Variants in HS6ST3 observed in about 807,000 individuals in gnomAD.
The protein encoded by HS6ST3 is heparan sulfate 6-O-sulfotransferase 3, also known as heparan-sulfate 6-O-sulfotransferase 3.
In HS6ST3, 12 loss-of-function variants were observed where a neutral mutation model predicts 36.7. The ratio of observed to expected loss-of-function variants is 0.33; its 90% confidence interval spans 0.21 to 0.53. The LOEUF (loss-of-function observed/expected upper bound fraction) is 0.53, where lower values mean the gene tolerates loss of function less well. Among genes scored for constraint, HS6ST3 ranks in the 20% least tolerant of loss-of-function variants. HS6ST3 has a pLI of 0.95. For synonymous variants in HS6ST3, 240 were observed against 257.5 expected (o/e 0.93, Z 0.65); for missense variants, 584 against 640.9 (o/e 0.91, Z 0.96).
intron 1 of HS6ST3, among the ~76,000 whole-genome samples, chr13:96,735,044 C>G (rs1243445790): frequency 6.6e-6 from 1 of 152,130 alleles, no homozygotes; most frequent in Non-Finnish European, 1.5e-5. Context: ...GACATTTATA[C>G]TCATTCAAAT....
At chr13:96,391,299 C>T (rs1014442515) in intron 1 of HS6ST3, among the ~76,000 whole-genome samples, 1 of 151,970 alleles carries the variant, frequency 6.6e-6, no homozygotes, top group Admixed American at 6.6e-5. Context: ...TTGTGGAACC[C>T]AAATATAGTT....
chr13:96,768,452 G>T (rs560507510), intron 1 of HS6ST3, among the ~76,000 whole-genome samples: 41 of 152,268 alleles, frequency 2.7e-4, no homozygotes, highest in African/African-American at 9.4e-4. Context: ...CTCTGACTCT[G>T]TCACTTTTGT....
intron 1 of HS6ST3, among the ~76,000 whole-genome samples, chr13:96,616,143 A>T (rs2056473561): frequency 1.3e-5 from 2 of 152,206 alleles, no homozygotes; most frequent in Admixed American, 6.5e-5. Flanking sequence ...ATGGTATCAT[A>T]TGTTAATATT....
intron 1 of HS6ST3, among the ~76,000 whole-genome samples, chr13:96,722,263 TA>T (rs965297446): frequency 9.5e-5 from 14 of 147,712 alleles, no homozygotes; most frequent in East Asian, 3.9e-4. Context: ...AGATTCCGTC[TA>T]AAAAAAAAAG....
chr13:96,720,009 T>G (rs1302383973), intron 1 of HS6ST3, among the ~76,000 whole-genome samples: 1 of 152,110 alleles, frequency 6.6e-6, no homozygotes, highest in Non-Finnish European at 1.5e-5. Flanking sequence ...AATTGCAGGG[T>G]GCATATATCA....
In HS6ST3 at chr13:96,317,387, T is replaced by A. The variant is rs1220338454; in HGVS notation, c.707+225818T>A. 1.2e-3 allele frequency among the ~76,000 whole-genome samples: 149 copies of A among 123,324 alleles called. 2 individuals carry two copies. Among genetic ancestry groups the A allele is most frequent in the African/African-American group, 2.7e-3 (84 of 31,586 alleles). The allele number at this position is 123,324 out of a possible 152,430, so 80.9% of individuals were successfully genotyped here. A position where few individuals can be genotyped will look rare whatever the true frequency, so the allele number is the denominator to read the frequency against. ...ATATATAAAATTATATATATATATA[T>A]ATATATATCATGGAATATATATATA... is the stretch of plus-strand genomic sequence containing the variant. On this transcript the variant is annotated intron_variant, in intron 1 of 1. Transcript: ENST00000376705.
intron 1 of HS6ST3, among the ~76,000 whole-genome samples, chr13:96,093,255 C>T (rs542578308): frequency 1.8e-4 from 27 of 152,188 alleles, no homozygotes; most frequent in African/African-American, 5.3e-4. Flanking sequence ...TCATAAAAGT[C>T]TTAGTAAATA....
At chr13:96,271,072 A>G (rs2054717360) in intron 1 of HS6ST3, among the ~76,000 whole-genome samples, 1 of 151,834 alleles carries the variant, frequency 6.6e-6, no homozygotes, top group Admixed American at 6.6e-5. Flanking sequence ...AGTTTGGTAA[A>G]TGTTTAACAG....
intron 1 of HS6ST3, among the ~76,000 whole-genome samples, chr13:96,642,993 A>G (rs2056575523): frequency 1.3e-5 from 2 of 151,950 alleles, no homozygotes; most frequent in Admixed American, 6.6e-5. Flanking sequence ...GTTGAAAACC[A>G]CACATTTTAG....
chr13:96,244,033 T>C (rs2054573543), intron 1 of HS6ST3, among the ~76,000 whole-genome samples: 1 of 151,796 alleles, frequency 6.6e-6, no homozygotes, highest in Non-Finnish European at 1.5e-5. Flanking sequence ...TCTTAATTTG[T>C]TCAAATTAAA....
Position 96,707,074 on chromosome 13 carries a change from G to A in HS6ST3, c.708-125416G>A, listed in dbSNP as rs571808104. Among the ~76,000 whole-genome samples, 3 of 152,224 alleles carry A rather than the reference G, an allele frequency of 2.0e-5. No individual in the cohort carries two copies. In the South Asian group the frequency reaches 6.2e-4, roughly 32 times the overall value. ...GTCTTATTCATCTTTGCATCCTGGA[G>A]GCTTGGATTGGCTATGGGTTGAATT... is the stretch of plus-strand genomic sequence containing the variant. On this transcript the variant is annotated intron_variant, in intron 1 of 1. Coordinates refer to ENST00000376705, the MANE Select transcript of HS6ST3 (RefSeq NM_153456.4).
At chr13:96,365,635 A>G (rs939792064) in intron 1 of HS6ST3, among the ~76,000 whole-genome samples, 3 of 152,170 alleles carry the variant, frequency 2.0e-5, no homozygotes, top group Non-Finnish European at 4.4e-5. Context: ...TGTAACATGT[A>G]TTGTGCATTA....
chr13:96,091,638 G>C, intron 1 of HS6ST3, 69 bp downstream of exon 1: 1 of 1,390,034 alleles, frequency 7.2e-7, no homozygotes, highest in Non-Finnish European at 9.3e-7. Flanking sequence ...TCCTGACCCA[G>C]AGCGACCCCG....
At chr13:96,332,487 G>T (rs2055076474) in intron 1 of HS6ST3, among the ~76,000 whole-genome samples, 1 of 152,186 alleles carries the variant, frequency 6.6e-6, no homozygotes, top group South Asian at 2.1e-4. Context: ...CCAAAGTTCA[G>T]ATATGTGGTT....
At chr13:96,654,641 G>T (rs111892247) in intron 1 of HS6ST3, among the ~76,000 whole-genome samples, 2,860 of 152,180 alleles carry the variant, frequency 0.019, 87 homozygotes, top group African/African-American at 0.063. Context: ...GTCAGGTAGC[G>T]TGATGCCTCC....
intron 1 of HS6ST3, among the ~76,000 whole-genome samples, chr13:96,581,630 T>C (rs1419543123): frequency 6.6e-6 from 1 of 152,238 alleles, no homozygotes; most frequent in East Asian, 1.9e-4. Flanking sequence ...GTGAGATAAG[T>C]ACCCAACAAC....
At chr13:96,424,153 C>G (rs1028609597) in intron 1 of HS6ST3, among the ~76,000 whole-genome samples, 1 of 151,786 alleles carries the variant, frequency 6.6e-6, no homozygotes, top group Admixed American at 6.6e-5. Flanking sequence ...TTTTTTTTGC[C>G]ACAGTTGACA....
In HS6ST3 at chr13:96,113,840, T is replaced by G. The variant is rs548545188; in HGVS notation, c.707+22271T>G. The stretch of plus-strand genomic sequence containing the variant: ...ATGCACTAATATATTCATTTTACCA[T>G]TATTTATAATGGCAAAAAGTTGGAA... On this transcript the variant is annotated intron_variant, in intron 1 of 1. Transcript: ENST00000376705. Among the ~76,000 whole-genome samples the G allele has an allele frequency of 2.0e-5, 3 of 152,288 alleles. No homozygotes were observed. In the East Asian group the frequency reaches 5.8e-4, roughly 29 times the overall value.
At chr13:96,449,337 C>G (rs917122703) in intron 1 of HS6ST3, among the ~76,000 whole-genome samples, 1 of 152,194 alleles carries the variant, frequency 6.6e-6, no homozygotes, top group African/African-American at 2.4e-5. Context: ...CCCTTCCACT[C>G]CAGGAAGATA....
Sources: allele counts gnomAD v4.1 joint callset (sites outside exome capture counted in the v4.1 genomes callset), GRCh38; gene constraint gnomAD v4.1.1; transcripts MANE v1.5; gene names NCBI Gene and HGNC (gene_info 2026-07-23, HGNC 2026-07-21).